The following FHIT variants were observed in gnomAD, a reference collection of about 807,000 sequenced individuals.
The protein encoded by FHIT is bis(5'-adenosyl)-triphosphatase.
FHIT carries 19 observed loss-of-function variants against 17.9 expected under a neutral mutation model. That is an observed-to-expected ratio of 1.06 (90% CI 0.74 to 1.56). FHIT has a LOEUF of 1.56. FHIT is among the 40% of genes most tolerant of loss of function. The pLI is 0.00. For missense variants in FHIT, 248 were observed against 189.2 expected, an observed-to-expected ratio of 1.31 and a Z score of -1.82; for synonymous variants, 81 against 69.7, an observed-to-expected ratio of 1.16 and a Z score of -0.81.
chr3:59,879,366 C>T (rs772746708), intron 8 of FHIT, among the ~76,000 whole-genome samples: 3 of 152,158 alleles, frequency 2.0e-5, no homozygotes, highest in Non-Finnish European at 4.4e-5. Flanking sequence ...GCTTCCCCAA[C>T]GTTCACTAAC....
chr3:60,684,225 G>C (rs2040812010), intron 4 of FHIT, among the ~76,000 whole-genome samples: 1 of 152,070 alleles, frequency 6.6e-6, no homozygotes, highest in Non-Finnish European at 1.5e-5. Context: ...TTCAGCTTCT[G>C]GTGGTTGGTG....
intron 5 of FHIT, among the ~76,000 whole-genome samples, chr3:60,217,283 C>G (rs1350247693): frequency 6.6e-6 from 1 of 152,078 alleles, no homozygotes; most frequent in Non-Finnish European, 1.5e-5. Flanking sequence ...GATTTAAGAA[C>G]AAAAACATGT....
chr3:61,001,431 TCAAA>T (rs1210585147), intron 3 of FHIT, among the ~76,000 whole-genome samples: 6 of 152,130 alleles, frequency 3.9e-5, no homozygotes, highest in African/African-American at 4.8e-5. Flanking sequence ...TGGATAATGG[TCAAA>T]CAAACTGTGA....
At chr3:60,106,452 A>C (rs747826428) in intron 5 of FHIT, among the ~76,000 whole-genome samples, 11 of 152,218 alleles carry the variant, frequency 7.2e-5, no homozygotes, top group African/African-American at 9.6e-5. Flanking sequence ...GTTCATGATA[A>C]GTGCTTAATT....
At chr3:60,055,826 C>A (rs1318505684) in intron 5 of FHIT, among the ~76,000 whole-genome samples, 1 of 152,184 alleles carries the variant, frequency 6.6e-6, no homozygotes, top group Non-Finnish European at 1.5e-5. Flanking sequence ...CTGCAGCTTA[C>A]ACTCACTCCC....
intron 7 of FHIT, among the ~76,000 whole-genome samples, chr3:59,968,622 C>T (rs1262343163): frequency 6.6e-6 from 1 of 152,030 alleles, no homozygotes; most frequent in African/African-American, 2.4e-5. Context: ...GTTCTCTATC[C>T]TCCCCAGAGA....
chr3:60,865,627 G>T (rs1704123401), intron 3 of FHIT, among the ~76,000 whole-genome samples: 1 of 152,154 alleles, frequency 6.6e-6, no homozygotes, highest in Non-Finnish European at 1.5e-5. Flanking sequence ...ACAGGAGCCA[G>T]TTTGTATTAG....
In FHIT at chr3:60,862,003, A is replaced by G. The variant is rs571750320; in HGVS notation, c.-110-39992T>C. Reference sequence around the variant, plus strand: ...GGTAACCTAGAATAAAATGATTAAAACAAAAACAAACCCAAATATCTGGGT... The same window carrying G: ...GGTAACCTAGAATAAAATGATTAAAGCAAAAACAAACCCAAATATCTGGGT... On this transcript the variant is annotated intron_variant, in intron 3 of 9. Transcript: ENST00000492590. Among the ~76,000 whole-genome samples the G allele has an allele frequency of 2.6e-5, 4 of 152,154 alleles. No individual in the cohort carries two copies. In the South Asian group the frequency reaches 6.2e-4, roughly 24 times the overall value.
chr3:59,900,451 C>T (rs1283416338), intron 8 of FHIT, among the ~76,000 whole-genome samples: 1 of 152,164 alleles, frequency 6.6e-6, no homozygotes, highest in Non-Finnish European at 1.5e-5. Flanking sequence ...ACAGACAAAA[C>T]TAAATACCTC....
intron 1 of FHIT, among the ~76,000 whole-genome samples, chr3:61,233,872 C>T (rs1467038600): frequency 6.6e-6 from 1 of 152,176 alleles, no homozygotes; most frequent in Non-Finnish European, 1.5e-5. Context: ...CTGCAAGATA[C>T]ACTCTCCTTG....
intron 7 of FHIT, among the ~76,000 whole-genome samples, chr3:59,928,994 CAAAAAAAAAAAAAA>C (rs56107626): frequency 3.0e-5 from 1 of 33,142 alleles, no homozygotes; most frequent in Admixed American, 4.8e-4. Flanking sequence ...GACTTCATCT[CAAAAAAAAAAAAAA>C]AAAAAAAAAA....
chr3:60,324,281 C>T (rs1458590734), intron 5 of FHIT, among the ~76,000 whole-genome samples: 1 of 151,966 alleles, frequency 6.6e-6, no homozygotes, highest in African/African-American at 2.4e-5. Flanking sequence ...ACCCAGACTG[C>T]CCCTCAAGAT....
chr3:59,790,829 G>A (rs189446296), intron 8 of FHIT, among the ~76,000 whole-genome samples: 356 of 152,190 alleles, frequency 2.3e-3, no homozygotes, highest in African/African-American at 8.3e-3. Flanking sequence ...CATAGTCCCT[G>A]CTATATGGTT....
intron 4 of FHIT, among the ~76,000 whole-genome samples, chr3:60,725,084 T>C (rs1553709088): frequency 1.3e-5 from 2 of 152,238 alleles, no homozygotes; most frequent in African/African-American, 4.8e-5. Flanking sequence ...CATATCTTCT[T>C]TGGAGAAATG....
At chr3:60,779,026 A>G (rs1046359260) in intron 4 of FHIT, among the ~76,000 whole-genome samples, 6 of 152,228 alleles carry the variant, frequency 3.9e-5, no homozygotes, top group Admixed American at 3.9e-4. Context: ...ACCCATGGCT[A>G]GGCTCAGCTT....
intron 5 of FHIT, among the ~76,000 whole-genome samples, chr3:60,293,642 C>T (rs548834209): frequency 6.6e-6 from 1 of 151,832 alleles, no homozygotes; most frequent in African/African-American, 2.4e-5. Flanking sequence ...ATGAAACGGT[C>T]CCTTGTTTAA....
intron 4 of FHIT, among the ~76,000 whole-genome samples, chr3:60,682,662 T>C (rs112351771): frequency 1.3e-5 from 2 of 152,336 alleles, no homozygotes; most frequent in African/African-American, 4.8e-5. Flanking sequence ...CCAAGAGTTC[T>C]GATGGAGATG....
chr3:60,164,202 G>C (rs1701057861), intron 5 of FHIT, among the ~76,000 whole-genome samples: 1 of 152,200 alleles, frequency 6.6e-6, no homozygotes, highest in Admixed American at 6.5e-5. Context: ...TCCCTGGCAG[G>C]ATGGACATTA....
At chr3:61,069,092 T>C (rs2106731606) in intron 2 of FHIT, among the ~76,000 whole-genome samples, 1 of 152,298 alleles carries the variant, frequency 6.6e-6, no homozygotes, top group East Asian at 1.9e-4. Context: ...TTTTTCTTTT[T>C]TATTTTTTAA....
Sources: allele counts gnomAD v4.1 joint callset (sites outside exome capture counted in the v4.1 genomes callset), GRCh38; gene constraint gnomAD v4.1.1; transcripts MANE v1.5; gene names NCBI Gene and HGNC (gene_info 2026-07-23, HGNC 2026-07-21).